The following OGA variants were observed in gnomAD, a reference collection of about 807,000 sequenced individuals.
OGA encodes the protein protein O-GlcNAcase.
A neutral mutation model predicts 102.0 loss-of-function variants in OGA; 21 were observed. The ratio of observed to expected loss-of-function variants is 0.21; its 90% CI spans 0.15 to 0.30. The LOEUF (loss-of-function observed/expected upper bound fraction) is 0.30, where lower values mean the gene tolerates loss of function less well. OGA is among the 10% of genes least tolerant of loss of function. OGA has a pLI of 1.00. For synonymous variants in OGA, 408 were observed against 378.2 expected (o/e 1.08, Z -0.91); for missense variants, 765 against 1,107.8 (o/e 0.69, Z 4.39).
chr10:101,792,963 G>A lies in OGA; in HGVS notation c.2071-20C>T. ...CAAACGCTGTGGGAAGAAAAAAAAG[G>A]AGATGGATTAGTTTGGGGAAGGTAT... is the stretch of plus-strand genomic sequence containing the variant. On this transcript the variant is annotated intron_variant, in intron 11 of 15. Coordinates refer to ENST00000361464, the MANE Select transcript of OGA (RefSeq NM_012215.5). 2 of 1,590,768 alleles carry A rather than the reference G, an allele frequency of 1.3e-6. No individual in the cohort carries two copies. Among genetic ancestry groups the A allele is most frequent in the South Asian group, 2.2e-5 (2 of 90,634 alleles).
At position 101,786,498 on chromosome 10, in the gene OGA, T is replaced by C; in HGVS notation, c.2704A>G (p.Met902Val). 6.2e-7 allele frequency: 1 copy of C among 1,612,692 alleles called. No individual in the cohort carries two copies. Among genetic ancestry groups the C allele is most frequent in the Non-Finnish European group, 8.5e-7 (1 of 1,179,440 alleles). ...SKLGCFEIAKMEGFPKDVVIL... is the reference protein window; with the variant it reads ...SKLGCFEIAKVEGFPKDVVIL... ...ACCACATCCTTTGGAAATCCTTCCATTTTTGCAATTTCAAAACATCCTAAC... is the reference window on the plus strand; with the variant it reads ...ACCACATCCTTTGGAAATCCTTCCACTTTTGCAATTTCAAAACATCCTAAC... The change falls in exon 16 of 16, where the codon ATG (methionine) becomes GTG (valine). Residue 902 changes from methionine to valine, a missense_variant. By Grantham distance (21) the Met-to-Val change is conservative. Around this residue, in one of 7 missense-constraint regions of OGA, gnomAD observed 146 missense variants for 269.7 expected, o/e 0.54. Coordinates refer to ENST00000361464, the MANE Select transcript of OGA (RefSeq NM_012215.5).
At chr10:101,797,043 T>C (rs1213057826) in intron 10 of OGA, 1 of 152,034 alleles carries the variant, frequency 6.6e-6, no homozygotes, top group African/African-American at 2.4e-5. Context: ...TTTTTTTTTT[T>C]TTAAATATTT....
chr10:101,797,795 T>C (rs1447249361), intron 10 of OGA, 185 bp downstream of exon 10: 10 of 620,946 alleles, frequency 1.6e-5, no homozygotes, highest in South Asian at 4.0e-5. Flanking sequence ...ATTAATGTGC[T>C]TGATGTATTT....
chr10:101,791,311 A>T, intron 13 of OGA, 43 bp downstream of exon 13: 1 of 1,496,206 alleles, frequency 6.7e-7, no homozygotes, highest in Non-Finnish European at 9.3e-7. Context: ...GATAAGCCTC[A>T]CTATGAAAGG....
chr10:101,803,716 T>C lies in OGA; in HGVS notation c.1036+19A>G. On this transcript the variant is annotated intron_variant, in intron 7 of 15. Transcript: ENST00000361464. ...CCAGCTCTCCTCCCAAGGTGAAAGA[T>C]CAAGTACAGGCTACTTACTCATCAC... The C allele has an allele frequency of 6.2e-7, 1 of 1,603,296 alleles. No homozygotes were observed. The highest frequency in any genetic ancestry group is 1.1e-5 in the South Asian group (1 of 90,496).
At chr10:101,786,659 ATCT>A (rs940724108) in intron 15 of OGA, 72 bp from the exon 16 acceptor site, 3 of 1,232,250 alleles carry the variant, frequency 2.4e-6, no homozygotes, top group South Asian at 3.8e-5. Flanking sequence ...TAAAACTATA[ATCT>A]TCGAGATGGT....
Position 101,817,948 on chromosome 10 carries a change from C to T in OGA, c.75G>A (p.Ala25=). The T allele has an allele frequency of 6.3e-7, 1 of 1,598,136 alleles. No homozygotes were observed. The highest frequency in any genetic ancestry group is 1.1e-5 in the South Asian group (1 of 89,072). ...CTGCCGGCGGCTCCAGCGATGCCCCCGCAGAGGCGGCAGGGTTGGAGCTGA... is the reference window on the plus strand; with the variant it reads ...CTGCCGGCGGCTCCAGCGATGCCCCTGCAGAGGCGGCAGGGTTGGAGCTGA... ...SELSSNPAAS[A]GASLEPPAAP... is the part of the protein sequence containing the mutation. Residue 25 remains alanine (A), a synonymous_variant, in exon 1 of 16, where the codon GCG becomes GCA. Transcript: ENST00000361464.
chr10:101,812,903 G>A, intron 3 of OGA, 127 bp downstream of exon 3: 1 of 788,028 alleles, frequency 1.3e-6, no homozygotes, highest in Non-Finnish European at 2.2e-6. Context: ...ATAGTTACCA[G>A]ATAGAAGAAA....
Position 101,812,997 on chromosome 10 carries a change from T to C in OGA, c.349+33A>G, listed in dbSNP as rs762802106. 16 of 1,456,434 alleles carry C rather than the reference T, an allele frequency of 1.1e-5. No individual in the cohort carries two copies. In the South Asian group the frequency reaches 1.9e-4, roughly 17 times the overall value. 90.2% of individuals were successfully genotyped at this position (1,456,434 alleles called of 1,614,324 possible). A position where few individuals can be genotyped will look rare whatever the true frequency, so the allele number is the denominator to read the frequency against. ...AAAATATAACCGTTTTCTTCACAGA[T>C]TTTGAATTTATGGATAAAAAGAAAA... is the stretch of plus-strand genomic sequence containing the variant. On this transcript the variant is annotated intron_variant, in intron 3 of 15. Transcript: ENST00000361464.
At chr10:101,815,482 C>T (rs1186928707) in intron 1 of OGA, among the ~76,000 whole-genome samples, 1 of 151,896 alleles carries the variant, frequency 6.6e-6, no homozygotes. Context: ...GACAGGGTTT[C>T]GCCATGTTGG....
At chr10:101,811,875 T>G (rs1320021745) in intron 3 of OGA, among the ~76,000 whole-genome samples, 3 of 152,172 alleles carry the variant, frequency 2.0e-5, no homozygotes, top group Non-Finnish European at 4.4e-5. Context: ...TTGAATAATT[T>G]TCAGTAGTAT....
chr10:101,809,712 A>G (rs1484680360), intron 4 of OGA, among the ~76,000 whole-genome samples: 2 of 149,538 alleles, frequency 1.3e-5, no homozygotes, highest in African/African-American at 4.9e-5. Flanking sequence ...TCTCAAAAAA[A>G]AAAAAAAAGA....
At chr10:101,802,401 C>T (rs1197260508) in intron 7 of OGA, among the ~76,000 whole-genome samples, 3 of 152,204 alleles carry the variant, frequency 2.0e-5, no homozygotes, top group African/African-American at 7.2e-5. Context: ...TGGCTGGGCG[C>T]GATGGCTCAC....
Position 101,798,106 on chromosome 10 carries a change from G to A in OGA, c.1858C>T (p.Leu620=), listed in dbSNP as rs751777075. ...RAAKFEEMCG[L]VMGMFTRLSN... The stretch of plus-strand genomic sequence containing the variant: ...AGCCGAGTGAACATTCCCATCACTA[G>A]TCCACACATCTCTTCAAACTTGGCT... Residue 620 remains leucine, a synonymous_variant, in exon 10 of 16, where the codon CTA becomes TTA. Transcript: ENST00000361464. The A allele has an allele frequency of 6.2e-7, 1 of 1,614,072 alleles. No homozygotes were observed. Among genetic ancestry groups the A allele is most frequent in the Non-Finnish European group, 8.5e-7 (1 of 1,180,004 alleles).
At position 101,785,249 on chromosome 10, in the gene OGA, T is replaced by C. The variant is rs1182515558; in HGVS notation, c.*1202A>G. On this transcript the variant is annotated 3_prime_UTR_variant, in exon 16 of 16. Transcript: ENST00000361464. The stretch of plus-strand genomic sequence containing the variant: ...TAAAAACACAGAATCTAAATTAAAA[T>C]ACATGAAGCTTTCACAATCCGGTTA... 6.6e-6 allele frequency: 1 copy of C among 152,204 alleles called. No individual in the cohort carries two copies. Among genetic ancestry groups the C allele is most frequent in the African/African-American group, 2.4e-5 (1 of 41,442 alleles). 9.4% of individuals were successfully genotyped at this position (152,204 alleles called of 1,614,324 possible).
At chr10:101,797,527 G>T in intron 10 of OGA, 1 of 214,150 alleles carries the variant, frequency 4.7e-6, no homozygotes, top group East Asian at 1.3e-4. Flanking sequence ...TGCGCACAGG[G>T]CTGGGAGGAT....
At chr10:101,796,699 T>G (rs2065321044) in intron 10 of OGA, among the ~76,000 whole-genome samples, 1 of 151,964 alleles carries the variant, frequency 6.6e-6, no homozygotes, top group African/African-American at 2.4e-5. Context: ...GCCTCTCAAG[T>G]AGCTGGGATT....
chr10:101,815,072 T>C (rs1445618781), intron 1 of OGA, among the ~76,000 whole-genome samples: 1 of 152,186 alleles, frequency 6.6e-6, no homozygotes, highest in Admixed American at 6.5e-5. Context: ...CAAAATGTTC[T>C]ACATAAACCC....
At chr10:101,799,539 G>T in intron 8 of OGA, 84 bp from the exon 9 acceptor site, 1 of 1,366,684 alleles carries the variant, frequency 7.3e-7, no homozygotes, top group Non-Finnish European at 1.0e-6. Flanking sequence ...TCAGAAAGAT[G>T]CTTTATCATA....
Sources: gnomAD v4.1 joint callset for allele counts (sites outside exome capture counted in the v4.1 genomes callset) on GRCh38, gnomAD v4.1.1 for gene constraint, gnomAD v4.1.1 regional missense constraint, MANE v1.5 for transcripts, NCBI Gene and HGNC (gene_info 2026-07-23, HGNC 2026-07-21) for gene names.